Variants in ERN1 observed in about 807,000 individuals in gnomAD.
ERN1 encodes serine/threonine-protein kinase/endoribonuclease IRE1.
ERN1 carries 39 observed loss-of-function variants against 113.1 expected under a neutral mutation model. The observed-to-expected ratio is 0.34, with a 90% CI of 0.27 to 0.45. The LOEUF (loss-of-function observed/expected upper bound fraction) is 0.45, where lower values mean the gene tolerates loss of function less well. Among genes scored for constraint, ERN1 ranks in the 20% least tolerant of loss-of-function variants. ERN1 has a pLI of 1.00. For missense variants in ERN1, 976 were observed against 1,274.8 expected (o/e 0.77, Z 3.57); for synonymous variants, 507 against 515.9 (o/e 0.98, Z 0.23).
intron 4 of ERN1, among the ~76,000 whole-genome samples, chr17:64,078,264 T>A (rs1913659596): frequency 6.6e-6 from 1 of 152,214 alleles, no homozygotes; most frequent in African/African-American, 2.4e-5. Context: ...TAATTTGCAT[T>A]TCCAAATGAC....
intron 20 of ERN1, 62 bp downstream of exon 20, chr17:64,045,296 AC>A: frequency 6.2e-7 from 1 of 1,606,566 alleles, no homozygotes; most frequent in Non-Finnish European, 8.5e-7. Flanking sequence ...TTCCACGTTT[AC>A]TTTTTGGAAA....
intron 1 of ERN1, among the ~76,000 whole-genome samples, chr17:64,115,318 C>G (rs1829069685): frequency 6.6e-6 from 1 of 152,210 alleles, no homozygotes; most frequent in Admixed American, 6.5e-5. Context: ...AGTTCACTTA[C>G]TCCAACCCTG....
intron 1 of ERN1, chr17:64,102,660 G>C (rs1001925700): frequency 3.0e-6 from 3 of 985,238 alleles, no homozygotes; most frequent in African/African-American, 3.5e-5. Context: ...GCACAGCTGA[G>C]AACTATTTGT....
intron 7 of ERN1, 108 bp downstream of exon 7, chr17:64,068,082 T>G: frequency 1.4e-6 from 1 of 733,848 alleles, no homozygotes; most frequent in Non-Finnish European, 2.3e-6. Flanking sequence ...AGAAAGAACC[T>G]GGTGACAAAG....
At chr17:64,094,990 A>G (rs1914190825) in intron 2 of ERN1, among the ~76,000 whole-genome samples, 1 of 152,224 alleles carries the variant, frequency 6.6e-6, no homozygotes, top group South Asian at 2.1e-4. Flanking sequence ...TGAAATCTTC[A>G]GTTATAACCA....
intron 1 of ERN1, among the ~76,000 whole-genome samples, chr17:64,106,012 T>A (rs1914517527): frequency 6.6e-6 from 1 of 151,566 alleles, no homozygotes; most frequent in South Asian, 2.1e-4. Context: ...AATACTTACA[T>A]AATTTGAGCA....
chr17:64,061,280 T>C (rs1913046826), intron 10 of ERN1, among the ~76,000 whole-genome samples: 1 of 152,208 alleles, frequency 6.6e-6, no homozygotes, highest in South Asian at 2.1e-4. Context: ...GGCTTGATAA[T>C]CCATTCAGCT....
rs1184044716 is a variant in ERN1 at position 64,054,438 on chromosome 17, C to T, written c.1765G>A (p.Gly589Ser). Residue 589 changes from glycine to serine, a missense_variant and splice_region_variant, in exon 15 of 22, where the codon GGC becomes AGC. Physicochemically the swap from Gly to Ser is moderately conservative, Grantham distance 56. This residue lies in a region of ERN1 where 297 missense variants were observed against 457.8 expected (regional missense o/e 0.65). Coordinates refer to ENST00000433197, the MANE Select transcript of ERN1 (RefSeq NM_001433.5). This position sits in a 1 kb window ranked among gnomAD's most constrained non-coding sequence, Gnocchi z 4.9. ...HGAEGTIVYR[G>S]MFDNRDVAVK... is the part of the protein sequence containing the mutation. Reference sequence around the variant, plus strand: ...GCCACGTCGCGGTTGTCAAACATGCCCCTGCGGGATGAGGAGTGGGAGTTG... The same window carrying T: ...GCCACGTCGCGGTTGTCAAACATGCTCCTGCGGGATGAGGAGTGGGAGTTG... 1.9e-6 allele frequency: 3 copies of T among 1,556,710 alleles called. No individual in the cohort carries two copies. Among genetic ancestry groups the T allele is most frequent in the Non-Finnish European group, 2.6e-6 (3 of 1,149,436 alleles).
intron 1 of ERN1, among the ~76,000 whole-genome samples, chr17:64,108,907 G>T (rs187210935): frequency 6.6e-6 from 1 of 152,292 alleles, no homozygotes; most frequent in Non-Finnish European, 1.5e-5. Flanking sequence ...TGGATCACCT[G>T]AGGTCAGGAG....
chr17:64,081,884 C>T (rs1180950352), intron 2 of ERN1, among the ~76,000 whole-genome samples: 1 of 152,180 alleles, frequency 6.6e-6, no homozygotes, highest in Non-Finnish European at 1.5e-5. Flanking sequence ...AACACTGGCA[C>T]AGCAGCACTG....
At chr17:64,103,025 A>ATT in intron 1 of ERN1, 3 of 882,850 alleles carry the variant, frequency 3.4e-6, no homozygotes, top group Non-Finnish European at 4.1e-6. Flanking sequence ...CTAAACATCC[A>ATT]TTAGCTAATT....
chr17:64,062,752 A>G (rs567578285), intron 10 of ERN1, among the ~76,000 whole-genome samples: 1 of 151,952 alleles, frequency 6.6e-6, no homozygotes, highest in Non-Finnish European at 1.5e-5. Context: ...CTCATTAGCT[A>G]TTTTTTTCTC....
At chr17:64,123,701 T>C (rs1598093828) in intron 1 of ERN1, among the ~76,000 whole-genome samples, 2 of 152,272 alleles carry the variant, frequency 1.3e-5, no homozygotes, top group East Asian at 3.9e-4. Context: ...CACTTAAAAC[T>C]CATTCAAGAG....
Position 64,040,254 on chromosome 17 carries a change from T to C in ERN1, c.*3734A>G, listed in dbSNP as rs1189931683. On this transcript the variant is annotated 3_prime_UTR_variant, in exon 22 of 22. Transcript: ENST00000433197. ...CTCCTTCCAGGGCGCTGGGCTTCTC[T>C]TCCAGCACAGAAGGCTGCAAAAGTG... 1 of 152,264 alleles carries C rather than the reference T, an allele frequency of 6.6e-6. No homozygotes were observed. Among genetic ancestry groups the C allele is most frequent in the Non-Finnish European group, 1.5e-5 (1 of 68,110 alleles). The allele number at this position is 152,264 out of a possible 1,614,324, so 9.4% of individuals were successfully genotyped here. A position where few individuals can be genotyped will look rare whatever the true frequency, so the allele number is the denominator to read the frequency against.
chr17:64,074,084 G>A (rs1428358030), intron 5 of ERN1, among the ~76,000 whole-genome samples: 1 of 152,152 alleles, frequency 6.6e-6, no homozygotes, highest in East Asian at 1.9e-4. Context: ...GAAGGTAGAG[G>A]AGAACAGAGC....
intron 2 of ERN1, among the ~76,000 whole-genome samples, chr17:64,097,174 C>T (rs1598077471): frequency 1.3e-5 from 2 of 152,328 alleles, no homozygotes; most frequent in East Asian, 3.8e-4. Context: ...CTGATCCAAG[C>T]AGGGCCCATG....
At chr17:64,106,794 C>A (rs898054025) in intron 1 of ERN1, among the ~76,000 whole-genome samples, 1 of 147,404 alleles carries the variant, frequency 6.8e-6, no homozygotes, top group African/African-American at 2.5e-5. Flanking sequence ...TCATAGGACA[C>A]CAGTCCTACA....
chr17:64,074,664 T>C (rs1913532186), intron 5 of ERN1, among the ~76,000 whole-genome samples: 1 of 152,268 alleles, frequency 6.6e-6, no homozygotes, highest in Non-Finnish European at 1.5e-5. Context: ...TGCTTTTTTA[T>C]TGACATTTTG....
chr17:64,117,140 T>C (rs1414660477), intron 1 of ERN1, among the ~76,000 whole-genome samples: 3 of 140,802 alleles, frequency 2.1e-5, no homozygotes, highest in Non-Finnish European at 4.7e-5. Flanking sequence ...TAATAAAAAT[T>C]TTTAAAAAAA....
Sources: allele counts gnomAD v4.1 joint callset (sites outside exome capture counted in the v4.1 genomes callset), GRCh38; gene constraint gnomAD v4.1.1; regional missense constraint gnomAD v4.1.1; non-coding constraint Gnocchi (gnomAD v3.1); transcripts MANE v1.5; gene names NCBI Gene and HGNC (gene_info 2026-07-23, HGNC 2026-07-21).